Variants in LRRIQ1 observed in about 807,000 individuals in gnomAD.
The protein encoded by LRRIQ1 is leucine-rich repeat- and IQ domain-containing protein 1.
Under a neutral mutation model 211.9 loss-of-function variants are expected in LRRIQ1, and 210 were observed. That is an observed-to-expected ratio of 0.99 (90% CI 0.89 to 1.11). The LOEUF (loss-of-function observed/expected upper bound fraction) is 1.11, where lower values mean the gene tolerates loss of function less well. Ranked by LOEUF, LRRIQ1 falls within the 50% of genes most tolerant of loss-of-function variation. LRRIQ1 has a pLI of 0.00. For missense variants in LRRIQ1, 2,136 were observed against 1,939.5 expected (o/e 1.10, Z -1.90); for synonymous variants, 699 against 650.1 (o/e 1.08, Z -1.14).
chr12:85,061,097 A>C (rs1388576849), intron 8 of LRRIQ1, among the ~76,000 whole-genome samples: 1 of 151,840 alleles, frequency 6.6e-6, no homozygotes, highest in Non-Finnish European at 1.5e-5. Flanking sequence ...TGAGAGCTAT[A>C]AATATAGTTG....
chr12:85,198,812 C>A (rs373861108), intron 24 of LRRIQ1, among the ~76,000 whole-genome samples: 1 of 152,146 alleles, frequency 6.6e-6, no homozygotes. Context: ...TCGTGATCCA[C>A]CCGCCTTGGC....
chr12:85,150,118 A>T (rs1890142042), intron 19 of LRRIQ1, among the ~76,000 whole-genome samples: 1 of 151,904 alleles, frequency 6.6e-6, no homozygotes, highest in African/African-American at 2.4e-5. Flanking sequence ...CAAAAATTTT[A>T]AAAAGGCTGT....
rs1460341905 is a variant in LRRIQ1 at position 85,106,507 on chromosome 12, T to C, written c.3284-15T>C. The C allele has an allele frequency of 6.5e-7, 1 of 1,549,594 alleles. No homozygotes were observed. The highest frequency in any genetic ancestry group is 2.3e-5 in the East Asian group (1 of 44,384). ...TCTGTGATGATACCTTTCAAAATGATTTTATTTTCTGTAGATCTTAAAAGT... is the reference window on the plus strand; with the variant it reads ...TCTGTGATGATACCTTTCAAAATGACTTTATTTTCTGTAGATCTTAAAAGT... On this transcript the variant is annotated splice_polypyrimidine_tract_variant and intron_variant, in intron 14 of 26. Transcript: ENST00000393217.
At chr12:85,236,830 C>CATATATATATATAT (rs60371759) in intron 26 of LRRIQ1, among the ~76,000 whole-genome samples, 2,865 of 108,480 alleles carry the variant, frequency 0.026, 110 homozygotes, top group African/African-American at 0.063. Flanking sequence ...TGTATGTGTG[C>CATATATATATATAT]ATATATATAT....
At chr12:85,114,821 A>G (rs1206810628) in intron 15 of LRRIQ1, among the ~76,000 whole-genome samples, 1 of 152,140 alleles carries the variant, frequency 6.6e-6, no homozygotes, top group Non-Finnish European at 1.5e-5. Context: ...TCATTTATCT[A>G]AAGGATTTTA....
At chr12:85,136,578 G>C (rs1889147863) in intron 18 of LRRIQ1, among the ~76,000 whole-genome samples, 1 of 151,800 alleles carries the variant, frequency 6.6e-6, no homozygotes, top group African/African-American at 2.4e-5. Context: ...TGGGTTATTT[G>C]CTTCAGAGAT....
chr12:85,138,098 A>G lies in LRRIQ1; in HGVS notation c.4329+129A>G, dbSNP rs1041196314. Reference sequence around the variant, plus strand: ...ACAGACTTTTTTCCTAACATTGAGAAACTTTTCCTAACATCATCTTCTTTT... The same window carrying G: ...ACAGACTTTTTTCCTAACATTGAGAGACTTTTCCTAACATCATCTTCTTTT... On this transcript the variant is annotated intron_variant, in intron 19 of 26. Transcript: ENST00000393217. 1.2e-5 allele frequency: 7 copies of G among 562,432 alleles called. No individual in the cohort carries two copies. The African/African-American group carries it at 1.4e-4, about 11-fold the overall frequency. 34.8% of individuals were successfully genotyped at this position (562,432 alleles called of 1,614,324 possible). A position where few individuals can be genotyped will look rare whatever the true frequency, so the allele number is the denominator to read the frequency against.
intron 26 of LRRIQ1, among the ~76,000 whole-genome samples, chr12:85,242,100 A>C (rs922907385): frequency 2.0e-5 from 3 of 152,070 alleles, no homozygotes; most frequent in African/African-American, 7.2e-5. Context: ...GCAAAATTAC[A>C]GTCTAATAAG....
chr12:85,044,862 C>T, intron 4 of LRRIQ1, 53 bp downstream of exon 4: 1 of 774,306 alleles, frequency 1.3e-6, no homozygotes, highest in East Asian at 2.8e-5. Context: ...TAGAAATTTT[C>T]TCTCTTACAC....
chr12:85,250,997 A>C (rs1895927387), intron 1 of LRRIQ1, among the ~76,000 whole-genome samples: 1 of 111,614 alleles, frequency 9.0e-6, no homozygotes, highest in Admixed American at 1.3e-4. Context: ...ATATTATATT[A>C]TATATAATAT....
At chr12:85,038,051 G>T (rs755878150) in intron 1 of LRRIQ1, 102 bp from the exon 2 acceptor site, 15 of 733,764 alleles carry the variant, frequency 2.0e-5, no homozygotes, top group Non-Finnish European at 2.9e-5. Context: ...ATAAAAGTTT[G>T]TTAAATTAAA....
chr12:85,261,782 T>C (rs1896298943), intron 1 of LRRIQ1, among the ~76,000 whole-genome samples: 1 of 146,476 alleles, frequency 6.8e-6, no homozygotes, highest in Admixed American at 6.7e-5. Context: ...TATTTATTTA[T>C]TTATTTATTT....
Position 85,124,219 on chromosome 12 carries a change from C to T in LRRIQ1, c.3707C>T (p.Ala1236Val). 2 of 1,614,024 alleles carry T rather than the reference C, an allele frequency of 1.2e-6. No individual in the cohort carries two copies. The highest frequency in any genetic ancestry group is 1.7e-6 in the Non-Finnish European group (2 of 1,179,996). ...TCAGAAGCCCAGAAAAATCATTTGG[C>T]CCCTACAAACAGTGACAGCACTCTG... The part of the protein sequence containing the change: ...DESEAQKNHL[A>V]PTNSDSTLQN... The change falls in exon 17 of 27, where the codon GCC becomes GTC. Residue 1236 changes from alanine to valine, a missense_variant. By Grantham distance (64) the Ala-to-Val change is moderately conservative. Transcript: ENST00000393217.
intron 24 of LRRIQ1, among the ~76,000 whole-genome samples, chr12:85,227,923 A>G (rs1366822519): frequency 6.6e-6 from 1 of 152,234 alleles, no homozygotes; most frequent in Non-Finnish European, 1.5e-5. Flanking sequence ...AAATGGGGAA[A>G]AGATTCCCTA....
intron 24 of LRRIQ1, among the ~76,000 whole-genome samples, chr12:85,226,654 A>G (rs1312357047): frequency 2.1e-5 from 3 of 146,006 alleles, no homozygotes; most frequent in African/African-American, 5.1e-5. Flanking sequence ...TACATTAGGT[A>G]TATCTCCTAA....
At chr12:85,111,972 T>A (rs567496185) in intron 15 of LRRIQ1, among the ~76,000 whole-genome samples, 330 of 138,220 alleles carry the variant, frequency 2.4e-3, no homozygotes, top group African/African-American at 3.7e-3. Flanking sequence ...ACACACACTC[T>A]CTCTCTCAAT....
chr12:85,228,499 A>T (rs535778254), intron 24 of LRRIQ1, among the ~76,000 whole-genome samples: 57 of 152,184 alleles, frequency 3.7e-4, no homozygotes, highest in Non-Finnish European at 7.2e-4. Flanking sequence ...AACTTTACTA[A>T]GTAACAGAGT....
At position 85,098,362 on chromosome 12, in the gene LRRIQ1, A is replaced by T. The variant is rs1025922451; in HGVS notation, c.2895A>T (p.Leu965Phe). ...ATAACTTTTTTCTTCTAGGTGGTTT[A>T]GAATCTTTGAAAAATCTTCAACAAC... ...LISHLYWNCG[L>F]ESLKNLQQLI... Residue 965 changes from leucine (L) to phenylalanine (F), a missense_variant, in exon 12 of 27, where the codon TTA becomes TTT. Physicochemically the swap from Leu to Phe is conservative, Grantham distance 22. Transcript: ENST00000393217. 3.7e-6 allele frequency: 6 copies of T among 1,602,038 alleles called. No individual in the cohort carries two copies. The highest frequency in any genetic ancestry group is 1.7e-5 in the Admixed American group (1 of 59,326).
intron 10 of LRRIQ1, among the ~76,000 whole-genome samples, chr12:85,067,811 G>C (rs531990930): frequency 9.9e-5 from 15 of 151,820 alleles, no homozygotes; most frequent in Admixed American, 9.9e-4. Flanking sequence ...TAAAACAAAA[G>C]AGAAAATGAA....
Sources: allele counts gnomAD v4.1 joint callset (sites outside exome capture counted in the v4.1 genomes callset), GRCh38; gene constraint gnomAD v4.1.1; transcripts MANE v1.5; gene names NCBI Gene and HGNC (gene_info 2026-07-23, HGNC 2026-07-21).